Variants in CUL1 observed in about 807,000 individuals in gnomAD.
CUL1 encodes the protein cullin 1.
A neutral mutation model predicts 118.0 loss-of-function variants in CUL1; 24 were observed. The observed-to-expected ratio is 0.20, with a 90% CI of 0.15 to 0.29. The LOEUF is 0.29. Among genes scored for constraint, CUL1 ranks in the 10% least tolerant of loss-of-function variants. CUL1 has a pLI of 1.00. For synonymous variants in CUL1, 332 were observed against 340.4 expected (o/e 0.98, Z 0.27); for missense variants, 361 against 933.8 (o/e 0.39, Z 7.99).
rs535665995 is a variant in CUL1 at position 148,721,930 on chromosome 7, C to T, written c.-161-8032C>T. On this transcript the variant is annotated intron_variant, in intron 1 of 21. Coordinates refer to ENST00000325222, the MANE Select transcript of CUL1 (RefSeq NM_003592.3). Reference sequence around the variant, plus strand: ...ATGCATGTGTTTGCATATTTTCTGGCGTTCATATACAAGAGTTTCTGTAAG... The same window carrying T: ...ATGCATGTGTTTGCATATTTTCTGGTGTTCATATACAAGAGTTTCTGTAAG... 3.2e-4 allele frequency among the ~76,000 whole-genome samples: 48 copies of T among 152,222 alleles called. 1 individual carries two copies. Among genetic ancestry groups the T allele is most frequent in the African/African-American group, 1.0e-3 (43 of 41,532 alleles).
rs55950743 is a variant in CUL1 at position 148,706,053 on chromosome 7, G to A, written c.-162+7024G>A. Among the ~76,000 whole-genome samples, 1,169 of 152,190 alleles carry A rather than the reference G, an allele frequency of 7.7e-3. 12 individuals are homozygous for A. The highest frequency in any genetic ancestry group is 0.011 in the Non-Finnish European group (734 of 68,012). ...ACCCCGACCTCATGTGATGGGCCACGGTCAACATGCAGGTGCACAACAGTT... is the reference window on the plus strand; with the variant it reads ...ACCCCGACCTCATGTGATGGGCCACAGTCAACATGCAGGTGCACAACAGTT... On this transcript the variant is annotated intron_variant, in intron 1 of 21. Coordinates refer to ENST00000325222, the MANE Select transcript of CUL1 (RefSeq NM_003592.3).
At chr7:148,776,342 A>G (rs1247309843) in intron 9 of CUL1, among the ~76,000 whole-genome samples, 2 of 22,766 alleles carry the variant, frequency 8.8e-5, no homozygotes, top group African/African-American at 2.3e-4. Context: ...TTTGAGATGG[A>G]GTCTCACTCT....
rs146918097 is a variant in CUL1 at position 148,799,085 on chromosome 7, G to A, written c.2137-190G>A. 2.3e-4 allele frequency among the ~76,000 whole-genome samples: 35 copies of A among 152,214 alleles called. 1 individual carries two copies. The highest frequency in any genetic ancestry group is 6.7e-4 in the African/African-American group (28 of 41,524). On this transcript the variant is annotated intron_variant, in intron 20 of 21. Transcript: ENST00000325222. ...ACCCAAACATTGTAATGTTTGCCAC[G>A]TTAGAGTTGAAACATAGGCAGGTAG...
chr7:148,725,848 C>T (rs1437084335), intron 1 of CUL1, among the ~76,000 whole-genome samples: 1 of 152,190 alleles, frequency 6.6e-6, no homozygotes, highest in Non-Finnish European at 1.5e-5. Context: ...TTAGGTCATC[C>T]TCTTTAAACC....
At chr7:148,726,536 T>G (rs1014896114) in intron 1 of CUL1, among the ~76,000 whole-genome samples, 2 of 152,182 alleles carry the variant, frequency 1.3e-5, no homozygotes, top group Non-Finnish European at 2.9e-5. Context: ...TAGGCAGTTG[T>G]TGGTGGTTTT....
chr7:148,742,559 A>G (rs556691030), intron 2 of CUL1, among the ~76,000 whole-genome samples: 1 of 147,092 alleles, frequency 6.8e-6, no homozygotes, highest in African/African-American at 2.5e-5. Flanking sequence ...GAGTATTGCC[A>G]TTTTAATTAA....
At chr7:148,769,397 T>TCTCACACACACACACACACA (rs1491139381) in intron 9 of CUL1, among the ~76,000 whole-genome samples, 1 of 129,042 alleles carries the variant, frequency 7.7e-6, no homozygotes, top group Admixed American at 7.9e-5. Flanking sequence ...AGGGCCTGAT[T>TCTCACACACACACACACACA]CACACACACA....
intron 2 of CUL1, among the ~76,000 whole-genome samples, chr7:148,753,178 ATATAG>A (rs71529633): frequency 0.014 from 2,070 of 152,316 alleles, 26 homozygotes; most frequent in Non-Finnish European, 0.019. Flanking sequence ...AAGTATCTTT[ATATAG>A]TAAATTCTTA....
intron 9 of CUL1, among the ~76,000 whole-genome samples, chr7:148,781,531 T>A (rs1021957524): frequency 6.6e-6 from 1 of 152,226 alleles, no homozygotes; most frequent in Non-Finnish European, 1.5e-5. Context: ...GAGAAGTTGT[T>A]CCTGGCATTC....
rs888640168 is a variant in CUL1 at position 148,787,272 on chromosome 7, C to G, written c.1479+152C>G. ...GGTCAGGAGATCGAGACCATCCTGGCTAATATGGAGAAACCCCATCTCTGC... is the reference window on the plus strand; with the variant it reads ...GGTCAGGAGATCGAGACCATCCTGGGTAATATGGAGAAACCCCATCTCTGC... On this transcript the variant is annotated intron_variant, in intron 13 of 21. Transcript: ENST00000325222. This position sits in a 1 kb window ranked among gnomAD's most constrained non-coding sequence, Gnocchi z 5.5. 8 of 659,046 alleles carry G rather than the reference C, an allele frequency of 1.2e-5. No homozygotes were observed. The highest frequency in any genetic ancestry group is 2.0e-5 in the Non-Finnish European group (8 of 403,148). 40.8% of individuals were successfully genotyped at this position (659,046 alleles called of 1,614,324 possible).
intron 2 of CUL1, among the ~76,000 whole-genome samples, chr7:148,734,427 A>G (rs1167426039): frequency 3.3e-5 from 5 of 152,114 alleles, no homozygotes; most frequent in Non-Finnish European, 5.9e-5. Context: ...TATTTTTTGT[A>G]GATACAGGGT....
intron 11 of CUL1, among the ~76,000 whole-genome samples, chr7:148,784,310 C>G (rs1800749561): frequency 2.0e-5 from 3 of 152,288 alleles, no homozygotes; most frequent in South Asian, 2.1e-4. Flanking sequence ...ATTCTCCATC[C>G]AAGCACTAAC....
At chr7:148,711,142 A>G (rs1035557789) in intron 1 of CUL1, among the ~76,000 whole-genome samples, 5 of 152,294 alleles carry the variant, frequency 3.3e-5, no homozygotes, top group Middle Eastern at 3.4e-3. Context: ...CTGTTTTTCC[A>G]AATTATTTAT....
chr7:148,729,887 T>G, intron 1 of CUL1, 75 bp from the exon 2 acceptor site: 1 of 432,424 alleles, frequency 2.3e-6, no homozygotes, highest in East Asian at 3.8e-5. Context: ...GCAGACTGAG[T>G]TTTTCTGTCA....
At chr7:148,781,975 C>T (rs867337363) in intron 9 of CUL1, among the ~76,000 whole-genome samples, 1 of 152,296 alleles carries the variant, frequency 6.6e-6, no homozygotes, top group Non-Finnish European at 1.5e-5. Context: ...AGTTGTGACA[C>T]GCAGTTCTTT....
rs1285553013 is a variant in CUL1, at chr7:148,787,244, C to T, written c.1479+124C>T. The T allele has an allele frequency of 5.6e-6, 5 of 894,420 alleles. No individual in the cohort carries two copies. The highest frequency in any genetic ancestry group is 1.6e-5 in the South Asian group (1 of 63,772). The allele number at this position is 894,420 out of a possible 1,614,324, so 55.4% of individuals were successfully genotyped here. A position where few individuals can be genotyped will look rare whatever the true frequency, so the allele number is the denominator to read the frequency against. On this transcript the variant is annotated intron_variant, in intron 13 of 21. Coordinates refer to ENST00000325222, the MANE Select transcript of CUL1 (RefSeq NM_003592.3). The surrounding 1 kb of genome is among the most constrained non-coding windows in gnomAD (Gnocchi z 5.5). ...TTGGGAGGCCGAGGCGGGCAGATCA[C>T]GAGGTCAGGAGATCGAGACCATCCT...
chr7:148,783,298 TCC>T, intron 9 of CUL1: 7 of 983,446 alleles, frequency 7.1e-6, no homozygotes, highest in Non-Finnish European at 8.5e-6. Flanking sequence ...GCCACGCGGA[TCC>T]GCGCCTCTGG....
At chr7:148,734,038 AAAG>A (rs1220784958) in intron 2 of CUL1, among the ~76,000 whole-genome samples, 110 of 84,632 alleles carry the variant, frequency 1.3e-3, no homozygotes, top group Admixed American at 2.3e-3. Context: ...CCAAAAAAAA[AAAG>A]AAAAGAAAAG....
At position 148,775,766 on chromosome 7, in the gene CUL1, C is replaced by T. The variant is rs147024144; in HGVS notation, c.1083+8017C>T. Among the ~76,000 whole-genome samples the T allele has an allele frequency of 6.8e-3, 1,024 of 151,392 alleles. 18 individuals carry two copies. Among genetic ancestry groups the T allele is most frequent in the African/African-American group, 0.023 (963 of 41,212 alleles). On this transcript the variant is annotated intron_variant, in intron 9 of 21. Transcript: ENST00000325222. The stretch of plus-strand genomic sequence containing the variant: ...GTCTGTTTCCCTCCCCTGAGAAATT[C>T]GTATGACCTTGCCTTAAAACTTTTA...
Sources: gnomAD v4.1 joint callset for allele counts (sites outside exome capture counted in the v4.1 genomes callset) on GRCh38, gnomAD v4.1.1 for gene constraint, Gnocchi (gnomAD v3.1) non-coding constraint, MANE v1.5 for transcripts, NCBI Gene and HGNC (gene_info 2026-07-23, HGNC 2026-07-21) for gene names.